The following IL15 variants were observed in gnomAD, a reference collection of about 807,000 sequenced individuals.
IL15 encodes the protein interleukin-15.
Under a neutral mutation model 19.6 loss-of-function variants are expected in IL15, and 11 were observed. The observed-to-expected ratio is 0.56, with a 90% CI of 0.35 to 0.93. The LOEUF is 0.93. IL15 is among the 40% of genes least tolerant of loss of function. The pLI is 0.01. For missense variants in IL15, 197 were observed against 186.5 expected (o/e 1.06, Z -0.33); for synonymous variants, 58 against 59.6 (o/e 0.97, Z 0.12).
chr4:141,713,539 T>G (rs965165166), intron 2 of IL15, among the ~76,000 whole-genome samples: 1 of 152,186 alleles, frequency 6.6e-6, no homozygotes, highest in African/African-American at 2.4e-5. Flanking sequence ...ACACAAAGTG[T>G]TAACCAGTTG....
At chr4:141,686,034 C>T (rs1560918638) in intron 2 of IL15, among the ~76,000 whole-genome samples, 1 of 152,056 alleles carries the variant, frequency 6.6e-6, no homozygotes, top group Non-Finnish European at 1.5e-5. Flanking sequence ...CAGTGGCTCA[C>T]GTCTATAATC....
At chr4:141,673,785 C>G (rs1728250909) in intron 2 of IL15, among the ~76,000 whole-genome samples, 1 of 152,096 alleles carries the variant, frequency 6.6e-6, no homozygotes, top group African/African-American at 2.4e-5. Context: ...AGATTTCATT[C>G]TTTTTAATTT....
intron 1 of IL15, among the ~76,000 whole-genome samples, chr4:141,647,341 A>T (rs1727259810): frequency 6.6e-6 from 1 of 152,114 alleles, no homozygotes; most frequent in Admixed American, 6.6e-5. Context: ...AAATATCACG[A>T]TTGAGTTAAA....
intron 1 of IL15, among the ~76,000 whole-genome samples, chr4:141,643,167 C>T (rs1390325411): frequency 6.6e-6 from 1 of 152,150 alleles, no homozygotes; most frequent in African/African-American, 2.4e-5. Flanking sequence ...TCATTATCTG[C>T]TCAAGGACAT....
At chr4:141,722,429 A>T (rs1730120888) in intron 5 of IL15, among the ~76,000 whole-genome samples, 1 of 152,150 alleles carries the variant, frequency 6.6e-6, no homozygotes, top group African/African-American at 2.4e-5. Flanking sequence ...GCTTCAGTGG[A>T]AGTCTCGATG....
At chr4:141,666,018 T>C (rs552317730) in intron 2 of IL15, among the ~76,000 whole-genome samples, 1 of 152,082 alleles carries the variant, frequency 6.6e-6, no homozygotes, top group South Asian at 2.1e-4. Context: ...ATGTTGGGGC[T>C]CTTTAGGGCT....
At chr4:141,694,824 A>T (rs1040199196) in intron 2 of IL15, among the ~76,000 whole-genome samples, 1 of 152,226 alleles carries the variant, frequency 6.6e-6, no homozygotes, top group South Asian at 2.1e-4. Context: ...TGGTACTTCC[A>T]TGGTTTCACC....
At chr4:141,694,492 G>A (rs543695536) in intron 2 of IL15, among the ~76,000 whole-genome samples, 1 of 152,160 alleles carries the variant, frequency 6.6e-6, no homozygotes. Context: ...TTTCAATGAA[G>A]GAAAAAAGAG....
chr4:141,647,872 G>A (rs1727282864), intron 1 of IL15, among the ~76,000 whole-genome samples: 1 of 151,970 alleles, frequency 6.6e-6, no homozygotes, highest in African/African-American at 2.4e-5. Context: ...TATCTGCAGT[G>A]TTTCACTGTA....
At chr4:141,686,123 C>T (rs574007853) in intron 2 of IL15, among the ~76,000 whole-genome samples, 83 of 151,880 alleles carry the variant, frequency 5.5e-4, no homozygotes, top group African/African-American at 1.9e-3. Flanking sequence ...GGCGAAACCC[C>T]GTCTCTGCTA....
At chr4:141,648,738 G>T (rs560023563) in intron 1 of IL15, among the ~76,000 whole-genome samples, 63 of 152,108 alleles carry the variant, frequency 4.1e-4, no homozygotes, top group African/African-American at 1.4e-3. Flanking sequence ...TATGCTGATG[G>T]CTTATTTGAC....
intron 2 of IL15, among the ~76,000 whole-genome samples, chr4:141,663,567 A>T (rs574148537): frequency 6.6e-6 from 1 of 152,190 alleles, no homozygotes; most frequent in African/African-American, 2.4e-5. Flanking sequence ...AAACGGCATG[A>T]TCTAATGTTA....
intron 1 of IL15, among the ~76,000 whole-genome samples, chr4:141,647,543 G>T (rs777671897): frequency 6.6e-6 from 1 of 151,914 alleles, no homozygotes; most frequent in Non-Finnish European, 1.5e-5. Context: ...ACAACTAGAG[G>T]GACTGTCACT....
chr4:141,732,753 G>T lies in IL15; in HGVS notation c.394G>T (p.Gly132Ter). The stretch of plus-strand genomic sequence containing the variant: ...TATTTTGCAGAATGTAACAGAATCT[G>T]GATGCAAAGAATGTGAGGAACTGGA... Reference protein sequence around the residue: ...LSSNGNVTESGCKECEELEEK... With the variant: ...LSSNGNVTES Residue 132 changes from glycine to a stop codon, truncating the protein, a stop_gained, in exon 8 of 8, where the codon GGA becomes TGA. Coordinates refer to ENST00000320650, the MANE Select transcript of IL15 (RefSeq NM_000585.5). LOFTEE classifies it high-confidence loss of function. 6.2e-7 allele frequency: 1 copy of T among 1,611,000 alleles called. No individual in the cohort carries two copies. Among genetic ancestry groups the T allele is most frequent in the South Asian group, 1.1e-5 (1 of 90,032 alleles).
intron 2 of IL15, among the ~76,000 whole-genome samples, chr4:141,660,839 A>C (rs1260845063): frequency 6.6e-6 from 1 of 152,198 alleles, no homozygotes; most frequent in African/African-American, 2.4e-5. Flanking sequence ...TTTCCTAGGA[A>C]GGGAACTAAG....
chr4:141,642,301 G>T (rs758315411), intron 1 of IL15, among the ~76,000 whole-genome samples: 1 of 152,124 alleles, frequency 6.6e-6, no homozygotes, highest in Non-Finnish European at 1.5e-5. Flanking sequence ...CACACATCAG[G>T]CATATCTCTG....
rs577631790 is a variant in IL15, at chr4:141,702,610, A to G, written c.-99-16756A>G. ...GTATTGCAGGCAGTGGTGTAAGCTG[A>G]GATCCCACAGCTGTTTTCTCCTTCC... On this transcript the variant is annotated intron_variant, in intron 2 of 7. Transcript: ENST00000320650. Among the ~76,000 whole-genome samples the G allele has an allele frequency of 2.0e-5, 3 of 152,314 alleles. No individual in the cohort carries two copies. In the East Asian group the frequency reaches 5.8e-4, roughly 29 times the overall value.
chr4:141,732,502 G>A (rs984539984), intron 7 of IL15, among the ~76,000 whole-genome samples: 2 of 152,160 alleles, frequency 1.3e-5, no homozygotes, highest in African/African-American at 4.8e-5. Context: ...TCCGTGGTCT[G>A]ATAGACACAG....
At chr4:141,692,800 T>G (rs1377762604) in intron 2 of IL15, among the ~76,000 whole-genome samples, 1 of 151,954 alleles carries the variant, frequency 6.6e-6, no homozygotes, top group Non-Finnish European at 1.5e-5. Flanking sequence ...TCCAAACTTT[T>G]TCACATCTGC....
Sources: allele counts gnomAD v4.1 joint callset (sites outside exome capture counted in the v4.1 genomes callset), GRCh38; gene constraint gnomAD v4.1.1; transcripts MANE v1.5; gene names NCBI Gene and HGNC (gene_info 2026-07-23, HGNC 2026-07-21).